The following ITSN1 variants were observed in gnomAD, a reference collection of about 807,000 sequenced individuals.
The protein encoded by ITSN1 is intersectin 1.
ITSN1 carries 58 observed loss-of-function variants against 239.8 expected under a neutral mutation model. The ratio of observed to expected loss-of-function variants is 0.24; its 90% CI spans 0.20 to 0.30. ITSN1 has a LOEUF of 0.30. Among genes scored for constraint, ITSN1 ranks in the 10% least tolerant of loss-of-function variants. ITSN1 has a pLI of 1.00. For missense variants in ITSN1, 1,558 were observed against 2,103.3 expected (o/e 0.74, Z 5.07); for synonymous variants, 780 against 770.8 (o/e 1.01, Z -0.20).
intron 29 of ITSN1, among the ~76,000 whole-genome samples, chr21:33,843,311 C>T (rs1299387876): frequency 6.6e-6 from 1 of 152,166 alleles, no homozygotes; most frequent in Non-Finnish European, 1.5e-5. Flanking sequence ...GCCCCTCTTG[C>T]CTCATGTGAT....
At chr21:33,828,792 G>C (rs930590539) in intron 26 of ITSN1, among the ~76,000 whole-genome samples, 3 of 152,150 alleles carry the variant, frequency 2.0e-5, no homozygotes, top group Admixed American at 6.5e-5. Context: ...GAAGGGTTCT[G>C]TCTCTTCATA....
chr21:33,661,059 G>C (rs911237854), intron 1 of ITSN1, among the ~76,000 whole-genome samples: 3 of 152,162 alleles, frequency 2.0e-5, no homozygotes, highest in African/African-American at 7.2e-5. Flanking sequence ...GCAGATACAA[G>C]TTTTCCAAAA....
intron 1 of ITSN1, among the ~76,000 whole-genome samples, chr21:33,700,652 T>C (rs1048198108): frequency 2.0e-5 from 3 of 152,184 alleles, no homozygotes; most frequent in African/African-American, 7.2e-5. Flanking sequence ...GCTTTGGTTG[T>C]GACTCCAGCA....
chr21:33,821,898 A>G (rs2073698069), intron 24 of ITSN1, among the ~76,000 whole-genome samples: 2 of 152,232 alleles, frequency 1.3e-5, no homozygotes, highest in Admixed American at 1.3e-4. Context: ...TGAAAAGGGA[A>G]GGGTGAGAGT....
Position 33,793,979 on chromosome 21 carries a change from G to T in ITSN1, c.1825-362G>T, listed in dbSNP as rs544904390. Among the ~76,000 whole-genome samples, 150 of 152,334 alleles carry T rather than the reference G, an allele frequency of 9.8e-4. 1 individual carries two copies. Among genetic ancestry groups the T allele is most frequent in the South Asian group, 1.4e-3 (7 of 4,828 alleles). Reference sequence around the variant, plus strand: ...GGTTGGTGTTGATTGATAATCAAAAGAAGCTTAAGTTTTATTCATGATCAT... The same window carrying T: ...GGTTGGTGTTGATTGATAATCAAAATAAGCTTAAGTTTTATTCATGATCAT... On this transcript the variant is annotated intron_variant, in intron 16 of 39. Transcript: ENST00000381318.
chr21:33,679,829 C>T (rs955538887), intron 1 of ITSN1, among the ~76,000 whole-genome samples: 1 of 150,576 alleles, frequency 6.6e-6, no homozygotes. Context: ...TCCCAAGTAG[C>T]TGGGACTACA....
At chr21:33,722,463 G>A (rs1345485053) in intron 3 of ITSN1, 125 bp from the exon 4 acceptor site, 13 of 1,181,730 alleles carry the variant, frequency 1.1e-5, no homozygotes, top group Non-Finnish European at 1.5e-5. Flanking sequence ...CTTTTATAAT[G>A]CACTCAACTG....
intron 34 of ITSN1, among the ~76,000 whole-genome samples, chr21:33,881,970 A>G (rs569896857): frequency 6.6e-6 from 1 of 151,334 alleles, no homozygotes; most frequent in Admixed American, 6.6e-5. Context: ...AAAAGAAAAG[A>G]AAAAACACAC....
At chr21:33,730,218 C>T (rs1048882688) in intron 4 of ITSN1, among the ~76,000 whole-genome samples, 2 of 151,958 alleles carry the variant, frequency 1.3e-5, no homozygotes, top group African/African-American at 4.8e-5. Context: ...GTCACTCCCT[C>T]TTCTATCCCT....
intron 33 of ITSN1, among the ~76,000 whole-genome samples, chr21:33,871,311 A>G (rs1473055487): frequency 6.6e-6 from 1 of 152,028 alleles, no homozygotes; most frequent in Non-Finnish European, 1.5e-5. Context: ...GTTATGTGAA[A>G]AAGCAACACT....
intron 4 of ITSN1, 37 bp from the exon 5 acceptor site, chr21:33,735,007 G>C: frequency 6.4e-7 from 1 of 1,570,290 alleles, no homozygotes; most frequent in South Asian, 1.2e-5. Context: ...TTCTTTTATG[G>C]TCACAGTTGT....
intron 17 of ITSN1, 110 bp downstream of exon 17, chr21:33,794,578 A>AGT: frequency 1.4e-6 from 2 of 1,391,394 alleles, no homozygotes; most frequent in Non-Finnish European, 2.0e-6. Flanking sequence ...TTCAGTCTTT[A>AGT]GTGTGCATGT....
At chr21:33,765,200 C>T (rs1372580469) in intron 9 of ITSN1, among the ~76,000 whole-genome samples, 1 of 152,120 alleles carries the variant, frequency 6.6e-6, no homozygotes, top group Non-Finnish European at 1.5e-5. Context: ...TTGTCATTTC[C>T]TGGTCTAGAG....
chr21:33,850,239 T>C (rs1036159588), intron 29 of ITSN1, among the ~76,000 whole-genome samples: 5 of 152,194 alleles, frequency 3.3e-5, no homozygotes, highest in Admixed American at 1.3e-4. Context: ...TGGAGTTACA[T>C]TGGCACTTTT....
intron 26 of ITSN1, chr21:33,828,959 T>TAGA (rs1167253223): frequency 2.1e-6 from 1 of 471,612 alleles, no homozygotes; most frequent in East Asian, 6.9e-5. Context: ...GTTCCCTTCT[T>TAGA]AACTCCAGGT....
intron 1 of ITSN1, among the ~76,000 whole-genome samples, chr21:33,646,786 A>AT (rs921142689): frequency 1.2e-4 from 18 of 152,240 alleles, no homozygotes; most frequent in African/African-American, 4.3e-4. Context: ...CCATTTAATT[A>AT]TTGTACTACT....
intron 1 of ITSN1, among the ~76,000 whole-genome samples, chr21:33,690,356 T>A (rs767308932): frequency 2.6e-5 from 4 of 151,462 alleles, no homozygotes; most frequent in Non-Finnish European, 4.4e-5. Context: ...TCCCAGCACT[T>A]TGGGAGGCTG....
chr21:33,672,943 C>T (rs2090383475), intron 1 of ITSN1, among the ~76,000 whole-genome samples: 1 of 152,122 alleles, frequency 6.6e-6, no homozygotes, highest in South Asian at 2.1e-4. Flanking sequence ...ATCTCTTGAC[C>T]TCGTGATCCA....
intron 1 of ITSN1, among the ~76,000 whole-genome samples, chr21:33,659,034 G>A (rs1027705859): frequency 6.6e-6 from 1 of 152,138 alleles, no homozygotes; most frequent in African/African-American, 2.4e-5. Context: ...CTGCAGGATT[G>A]GAGGGTTGGA....
Sources: allele counts gnomAD v4.1 joint callset (sites outside exome capture counted in the v4.1 genomes callset), GRCh38; gene constraint gnomAD v4.1.1; transcripts MANE v1.5; gene names NCBI Gene and HGNC (gene_info 2026-07-23, HGNC 2026-07-21).